UNC5C: variants seen among roughly 807,000 people sequenced by gnomAD.
UNC5C encodes unc-5 netrin receptor C, also known as netrin receptor UNC5C.
In UNC5C, 47 loss-of-function variants were observed where a neutral mutation model predicts 99.8. The ratio of observed to expected loss-of-function variants is 0.47; its 90% confidence interval spans 0.37 to 0.60. The LOEUF is 0.60. UNC5C is among the 20% of genes least tolerant of loss of function. UNC5C has a pLI of 0.00. For synonymous variants in UNC5C, 487 were observed against 452.2 expected (o/e 1.08, Z -0.98); for missense variants, 1,062 against 1,165.9 (o/e 0.91, Z 1.30).
intron 1 of UNC5C, among the ~76,000 whole-genome samples, chr4:95,379,687 CA>C (rs1194925765): frequency 3.3e-5 from 5 of 152,144 alleles, no homozygotes; most frequent in African/African-American, 1.2e-4. Context: ...AGATCGACCT[CA>C]TTCCTTGTGG....
intron 2 of UNC5C, among the ~76,000 whole-genome samples, chr4:95,321,238 T>A (rs1039972538): frequency 6.6e-6 from 1 of 152,138 alleles, no homozygotes; most frequent in Non-Finnish European, 1.5e-5. Context: ...AATACTGATA[T>A]TTGCAAATAT....
At chr4:95,516,411 G>A (rs942700838) in intron 1 of UNC5C, among the ~76,000 whole-genome samples, 2 of 152,156 alleles carry the variant, frequency 1.3e-5, no homozygotes, top group East Asian at 1.9e-4. Flanking sequence ...AATATGCTGA[G>A]CACTGAGTGT....
chr4:95,222,257 T>A, intron 7 of UNC5C: 1 of 1,469,068 alleles, frequency 6.8e-7, no homozygotes, highest in Non-Finnish European at 9.0e-7. Context: ...TGAAATGGGA[T>A]AAATGAAACC....
rs148018300 is a variant in UNC5C, at chr4:95,546,283, T to G, written c.124+2451A>C. Reference sequence around the variant, plus strand: ...CCAAGGAAAGGAGAAAGAAGAAGAATAAGAAGGAAAAGGAGGTCTGACTAT... The same window carrying G: ...CCAAGGAAAGGAGAAAGAAGAAGAAGAAGAAGGAAAAGGAGGTCTGACTAT... On this transcript the variant is annotated intron_variant, in intron 1 of 15. Coordinates refer to ENST00000453304, the MANE Select transcript of UNC5C (RefSeq NM_003728.4). Among the ~76,000 whole-genome samples the G allele has an allele frequency of 4.5e-3, 683 of 152,246 alleles. 5 individuals carry two copies. The highest frequency in any genetic ancestry group is 0.016 in the African/African-American group (647 of 41,540).
chr4:95,362,784 ATAACTT>A (rs1359601805), intron 1 of UNC5C, among the ~76,000 whole-genome samples: 2 of 152,184 alleles, frequency 1.3e-5, no homozygotes, highest in African/African-American at 4.8e-5. Context: ...CATTCATTGA[ATAACTT>A]TAAATGAAAA....
intron 1 of UNC5C, among the ~76,000 whole-genome samples, chr4:95,345,571 C>T (rs1743741087): frequency 6.6e-6 from 1 of 151,910 alleles, no homozygotes; most frequent in Non-Finnish European, 1.5e-5. Context: ...CTCTTCAGCA[C>T]ATAGATCATT....
At chr4:95,271,598 C>G (rs945896719) in intron 4 of UNC5C, among the ~76,000 whole-genome samples, 8 of 152,238 alleles carry the variant, frequency 5.3e-5, no homozygotes, top group Non-Finnish European at 8.8e-5. Context: ...GTCTGCTGAA[C>G]TTCCACATGG....
intron 2 of UNC5C, among the ~76,000 whole-genome samples, chr4:95,332,075 A>G (rs964198435): frequency 2.6e-5 from 4 of 152,206 alleles, no homozygotes; most frequent in Non-Finnish European, 5.9e-5. Context: ...AAAAGAGGAT[A>G]CAAACAAAGG....
intron 13 of UNC5C, among the ~76,000 whole-genome samples, chr4:95,183,615 TC>T: frequency 6.6e-6 from 1 of 151,934 alleles, no homozygotes; most frequent in Non-Finnish European, 1.5e-5. Context: ...ACAGAAAAGT[TC>T]TTGGCACCAA....
At chr4:95,307,416 A>G (rs1468469677) in intron 2 of UNC5C, among the ~76,000 whole-genome samples, 1 of 152,174 alleles carries the variant, frequency 6.6e-6, no homozygotes, top group Admixed American at 6.5e-5. Flanking sequence ...AAGAAACGCA[A>G]CACTTACAGA....
intron 7 of UNC5C, among the ~76,000 whole-genome samples, chr4:95,237,099 A>C (rs1739148986): frequency 1.3e-5 from 2 of 152,238 alleles, no homozygotes; most frequent in Admixed American, 6.5e-5. Flanking sequence ...ATGTTAAATA[A>C]ATTGTTATAC....
At chr4:95,395,894 T>G (rs1409825667) in intron 1 of UNC5C, among the ~76,000 whole-genome samples, 1 of 152,184 alleles carries the variant, frequency 6.6e-6, no homozygotes, top group East Asian at 1.9e-4. Flanking sequence ...CACAAGCCCA[T>G]GAAGACTGGC....
intron 7 of UNC5C, among the ~76,000 whole-genome samples, chr4:95,221,036 C>CT (rs981502086): frequency 6.6e-6 from 1 of 152,134 alleles, no homozygotes; most frequent in Admixed American, 6.5e-5. Flanking sequence ...CAACTGAGGT[C>CT]TTTTTTCTGG....
chr4:95,278,352 C>T lies in UNC5C; in HGVS notation c.501G>A (p.Lys167=). 3 of 1,613,778 alleles carry T rather than the reference C, an allele frequency of 1.9e-6. No homozygotes were observed. The highest frequency in any genetic ancestry group is 2.5e-6 in the Non-Finnish European group (3 of 1,179,728). Residue 167 remains lysine (K), a synonymous_variant, in exon 4 of 16, where the codon AAG becomes AAA. Coordinates refer to ENST00000453304, the MANE Select transcript of UNC5C (RefSeq NM_003728.4). ...TTCCTAGGGGTTCCTGCTCAAATGT[C>T]TTCCGTAGATCTGGAACGTAAAAGT... ...KAYVRIAYLR[K]TFEQEPLGKE... is the part of the protein sequence containing the mutation.
At chr4:95,270,177 C>A (rs1346425416) in intron 4 of UNC5C, among the ~76,000 whole-genome samples, 1 of 152,120 alleles carries the variant, frequency 6.6e-6, no homozygotes, top group Non-Finnish European at 1.5e-5. Flanking sequence ...GTGCTTTAAA[C>A]AATCAAAAAA....
At chr4:95,180,922 C>T (rs1736586472) in intron 14 of UNC5C, among the ~76,000 whole-genome samples, 1 of 152,134 alleles carries the variant, frequency 6.6e-6, no homozygotes, top group Non-Finnish European at 1.5e-5. Context: ...TCATCTTGTA[C>T]CCTTTCTTGA....
intron 12 of UNC5C, among the ~76,000 whole-genome samples, chr4:95,192,566 C>T (rs556579318): frequency 6.8e-6 from 1 of 147,464 alleles, no homozygotes; most frequent in South Asian, 2.3e-4. Context: ...CTGCTTACCT[C>T]TTCCCCTGCT....
intron 10 of UNC5C, among the ~76,000 whole-genome samples, chr4:95,207,277 C>T (rs949776355): frequency 3.9e-5 from 6 of 152,064 alleles, no homozygotes; most frequent in Non-Finnish European, 8.8e-5. Flanking sequence ...TAAACTTAGT[C>T]CAAATGACTT....
intron 7 of UNC5C, among the ~76,000 whole-genome samples, chr4:95,231,648 A>T (rs930820746): frequency 3.9e-5 from 6 of 152,132 alleles, no homozygotes; most frequent in African/African-American, 1.4e-4. Context: ...TTCTGATGCA[A>T]ATGTTCTTAT....
Sources: gnomAD v4.1 joint callset for allele counts (sites outside exome capture counted in the v4.1 genomes callset) on GRCh38, gnomAD v4.1.1 for gene constraint, MANE v1.5 for transcripts, NCBI Gene and HGNC (gene_info 2026-07-23, HGNC 2026-07-21) for gene names.